The following DDX4 variants were observed in gnomAD, a reference collection of about 807,000 sequenced individuals.
DDX4 encodes DEAD-box helicase 4.
DDX4 carries 25 observed loss-of-function variants against 100.0 expected under a neutral mutation model. That is an observed-to-expected ratio of 0.25 (90% CI 0.18 to 0.35). DDX4 has a LOEUF of 0.35. Ranked by LOEUF, DDX4 falls within the 10% of genes least tolerant of loss-of-function variation. DDX4 has a pLI of 1.00. For synonymous variants in DDX4, 259 were observed against 275.7 expected (o/e 0.94, Z 0.60); for missense variants, 635 against 882.4 (o/e 0.72, Z 3.55).
At chr5:55,748,966 AT>A (rs1759393562) in intron 3 of DDX4, among the ~76,000 whole-genome samples, 1 of 152,144 alleles carries the variant, frequency 6.6e-6, no homozygotes, top group Non-Finnish European at 1.5e-5. Flanking sequence ...TTAAAATTGT[AT>A]TTAGACATGC....
At chr5:55,742,043 A>G in intron 2 of DDX4, 3 of 381,936 alleles carry the variant, frequency 7.9e-6, no homozygotes, top group South Asian at 3.9e-5. Context: ...ATAATTTGTC[A>G]TTGTTCTAGT....
At chr5:55,748,796 G>A (rs919729467) in intron 3 of DDX4, among the ~76,000 whole-genome samples, 2 of 152,106 alleles carry the variant, frequency 1.3e-5, no homozygotes, top group African/African-American at 4.8e-5. Context: ...TACCATTGAT[G>A]TCTATTGACT....
chr5:55,758,344 G>C (rs892347141), intron 3 of DDX4, among the ~76,000 whole-genome samples: 1 of 152,050 alleles, frequency 6.6e-6, no homozygotes, highest in African/African-American at 2.4e-5. Flanking sequence ...TTGTTTTTGA[G>C]ATTTTGTATC....
intron 7 of DDX4, among the ~76,000 whole-genome samples, chr5:55,779,322 T>G (rs1283238942): frequency 6.6e-6 from 1 of 152,194 alleles, no homozygotes; most frequent in African/African-American, 2.4e-5. Context: ...ATATATAGAA[T>G]TTATCTTTAT....
In DDX4 at chr5:55,751,568, C is replaced by A. The variant is rs1010750916; in HGVS notation, c.127+5347C>A. On this transcript the variant is annotated intron_variant, in intron 3 of 21. Coordinates refer to ENST00000505374, the MANE Select transcript of DDX4 (RefSeq NM_024415.3). ...TTACTATGCATGTATCTGACTGTCT[C>A]TTCATATACATGTTGTTATTCTGTA... Among the ~76,000 whole-genome samples the A allele has an allele frequency of 2.6e-5, 4 of 152,334 alleles. No homozygotes were observed. In the South Asian group the frequency reaches 8.3e-4, roughly 32 times the overall value.
At chr5:55,802,923 G>C (rs886159316) in intron 18 of DDX4, among the ~76,000 whole-genome samples, 1 of 151,770 alleles carries the variant, frequency 6.6e-6, no homozygotes, top group Non-Finnish European at 1.5e-5. Flanking sequence ...ATCTGATTAA[G>C]CTTATTTTCT....
chr5:55,781,529 C>G (rs1741910713), intron 9 of DDX4, among the ~76,000 whole-genome samples: 1 of 152,066 alleles, frequency 6.6e-6, no homozygotes, highest in Non-Finnish European at 1.5e-5. Flanking sequence ...GTAATCCCAG[C>G]AGTTTGGGAG....
intron 8 of DDX4, among the ~76,000 whole-genome samples, chr5:55,780,611 A>G (rs1741849077): frequency 6.6e-6 from 1 of 152,156 alleles, no homozygotes; most frequent in Admixed American, 6.5e-5. Flanking sequence ...AAGTTTAGGG[A>G]TTTTGAAGGG....
At chr5:55,810,574 G>A (rs1744065819) in intron 18 of DDX4, among the ~76,000 whole-genome samples, 1 of 152,114 alleles carries the variant, frequency 6.6e-6, no homozygotes, top group African/African-American at 2.4e-5. Flanking sequence ...TGCTCAACGT[G>A]TATTAACATT....
At chr5:55,765,108 T>C (rs1490349906) in intron 6 of DDX4, among the ~76,000 whole-genome samples, 2 of 152,092 alleles carry the variant, frequency 1.3e-5, no homozygotes, top group Non-Finnish European at 1.5e-5. Flanking sequence ...TGAAAACATA[T>C]ATGATGTAGA....
intron 6 of DDX4, among the ~76,000 whole-genome samples, chr5:55,766,234 T>C (rs551437547): frequency 8.0e-4 from 122 of 152,206 alleles, no homozygotes; most frequent in African/African-American, 2.8e-3. Context: ...TTTAAAGTAA[T>C]TTTTTATTTT....
At chr5:55,793,796 T>G (rs1418966426) in intron 17 of DDX4, among the ~76,000 whole-genome samples, 1 of 152,228 alleles carries the variant, frequency 6.6e-6, no homozygotes, top group African/African-American at 2.4e-5. Context: ...AACTCACCCT[T>G]GAACTGTTTT....
At chr5:55,781,240 G>A in intron 9 of DDX4, 94 bp downstream of exon 9, 1 of 963,518 alleles carries the variant, frequency 1.0e-6, no homozygotes, top group Non-Finnish European at 1.5e-6. Flanking sequence ...AAGTATACTA[G>A]TTTGGCTTAT....
intron 3 of DDX4, among the ~76,000 whole-genome samples, chr5:55,755,746 G>A (rs67847577): frequency 0.039 from 5,965 of 151,690 alleles, 184 homozygotes; most frequent in Non-Finnish European, 0.061. Flanking sequence ...GAAGCATAAT[G>A]TACACATAGA....
In DDX4 at chr5:55,781,921, C is replaced by CA; in HGVS notation, c.578-11dup. 1 of 1,613,642 alleles carries CA rather than the reference C, an allele frequency of 6.2e-7. No individual in the cohort carries two copies. The highest frequency in any genetic ancestry group is 8.5e-7 in the Non-Finnish European group (1 of 1,179,790). On this transcript the variant is annotated splice_polypyrimidine_tract_variant and intron_variant, in intron 9 of 21. Coordinates refer to ENST00000505374, the MANE Select transcript of DDX4 (RefSeq NM_024415.3). ...TGTTTTATCTAAATATGTTGTGAAA[C>CA]AATGCCTTACAGGTAATGGTGATAC...
At chr5:55,793,752 G>C (rs1742739264) in intron 17 of DDX4, among the ~76,000 whole-genome samples, 1 of 152,210 alleles carries the variant, frequency 6.6e-6, no homozygotes, top group Non-Finnish European at 1.5e-5. Context: ...TGTCATGTTG[G>C]ATAATGCCCT....
At chr5:55,754,502 T>C (rs1374517990) in intron 3 of DDX4, among the ~76,000 whole-genome samples, 4 of 147,888 alleles carry the variant, frequency 2.7e-5, no homozygotes, top group South Asian at 2.2e-4. Flanking sequence ...TTGAACCAGC[T>C]TTGCATCCCA....
At chr5:55,814,733 A>T (rs1203659411) in intron 19 of DDX4, among the ~76,000 whole-genome samples, 168 bp from the exon 20 acceptor site, 1 of 152,122 alleles carries the variant, frequency 6.6e-6, no homozygotes, top group Non-Finnish European at 1.5e-5. Context: ...CTTGTGATCC[A>T]CCTGCTTCAG....
intron 18 of DDX4, among the ~76,000 whole-genome samples, chr5:55,801,035 G>C (rs1743264340): frequency 6.6e-6 from 1 of 151,924 alleles, no homozygotes; most frequent in African/African-American, 2.4e-5. Flanking sequence ...GAGCTCTTTA[G>C]TTACGAAAGG....
Sources: gnomAD v4.1 joint callset for allele counts (sites outside exome capture counted in the v4.1 genomes callset) on GRCh38, gnomAD v4.1.1 for gene constraint, MANE v1.5 for transcripts, NCBI Gene and HGNC (gene_info 2026-07-23, HGNC 2026-07-21) for gene names.